Variants in SCAND3 observed in about 807,000 individuals in gnomAD.
The protein encoded by SCAND3 is SCAN domain-containing protein 3.
At chr6:28,607,637 T>C in the SCAND3 span, among the ~76,000 whole-genome samples, 1 of 151,912 alleles carries the variant, frequency 6.6e-6, no homozygotes, top group Non-Finnish European at 1.5e-5. Flanking sequence ...CCAACCACCC[T>C]ATACCTTACC....
the SCAND3 span, among the ~76,000 whole-genome samples, chr6:28,577,525 C>G: frequency 6.6e-6 from 1 of 152,102 alleles, no homozygotes; most frequent in Admixed American, 6.5e-5. Context: ...ACTTGATAAA[C>G]AAGAAGGTAA....
At chr6:28,611,303 T>C in the SCAND3 span, among the ~76,000 whole-genome samples, 3 of 152,194 alleles carry the variant, frequency 2.0e-5, no homozygotes, top group Non-Finnish European at 2.9e-5. Context: ...GGTTATCATC[T>C]AAAACCATGT....
At chr6:28,583,137 A>G in the SCAND3 span, among the ~76,000 whole-genome samples, 2 of 152,030 alleles carry the variant, frequency 1.3e-5, no homozygotes, top group Non-Finnish European at 2.9e-5. Flanking sequence ...TCACGCCTGT[A>G]TTCCCAACAC....
At chr6:28,573,140 C>A in the SCAND3 span, 4 of 1,612,352 alleles carry the variant, frequency 2.5e-6, no homozygotes, top group Admixed American at 3.3e-5. Context: ...CTCACATAGA[C>A]TAAAAGAATT....
the SCAND3 span, among the ~76,000 whole-genome samples, chr6:28,601,929 T>C: frequency 2.0e-4 from 31 of 152,058 alleles, no homozygotes; most frequent in Non-Finnish European, 3.5e-4. Context: ...CCCTAGCTCT[T>C]TCCTACCCAC....
chr6:28,575,244 C>T, the SCAND3 span: 5 of 1,614,012 alleles, frequency 3.1e-6, no homozygotes, highest in Middle Eastern at 1.6e-4. This position sits in a 1 kb window ranked among gnomAD's most constrained non-coding sequence, Gnocchi z 4.2. Context: ...TGTTAGTTTG[C>T]ATCCAGGAGA....
chr6:28,602,683 A>T, the SCAND3 span, among the ~76,000 whole-genome samples: 2 of 152,258 alleles, frequency 1.3e-5, no homozygotes, highest in Non-Finnish European at 2.9e-5. Flanking sequence ...AATTCCATTG[A>T]CTTGGCTTAT....
chr6:28,609,103 G>T, the SCAND3 span, among the ~76,000 whole-genome samples: 1 of 152,186 alleles, frequency 6.6e-6, no homozygotes, highest in Admixed American at 6.5e-5. Flanking sequence ...TTCATGACAA[G>T]ACAAGGATAT....
chr6:28,575,862 T>G, the SCAND3 span: 1 of 1,614,128 alleles, frequency 6.2e-7, no homozygotes, highest in South Asian at 1.1e-5. The surrounding 1 kb of genome is among the most constrained non-coding windows in gnomAD (Gnocchi z 4.2). Flanking sequence ...CATTTCCTTG[T>G]ACAAGGATAA....
chr6:28,593,793 C>T, the SCAND3 span: 2 of 152,140 alleles, frequency 1.3e-5, no homozygotes, highest in Non-Finnish European at 2.9e-5. Flanking sequence ...CAGCCTCAAC[C>T]TCCTGGGCTC....
the SCAND3 span, chr6:28,572,725 A>G: frequency 1.9e-6 from 3 of 1,614,140 alleles, no homozygotes; most frequent in Non-Finnish European, 2.5e-6. The surrounding 1 kb of genome is among the most constrained non-coding windows in gnomAD (Gnocchi z 4.1). Context: ...CTCAGCATGC[A>G]GTAACAGTTG....
the SCAND3 span, among the ~76,000 whole-genome samples, chr6:28,610,049 C>T: frequency 2.1e-4 from 32 of 151,888 alleles, no homozygotes; most frequent in African/African-American, 7.3e-4. Context: ...CAGGGTGCAA[C>T]GCCGTCTTTA....
chr6:28,601,024 T>C, the SCAND3 span, among the ~76,000 whole-genome samples: 1 of 148,646 alleles, frequency 6.7e-6, no homozygotes, highest in South Asian at 2.2e-4. Context: ...TGCCTCAGCC[T>C]CCGGAGTAGC....
the SCAND3 span, among the ~76,000 whole-genome samples, chr6:28,585,700 T>C: frequency 2.6e-5 from 4 of 152,170 alleles, no homozygotes; most frequent in African/African-American, 4.8e-5. Flanking sequence ...CTAAAAAATA[T>C]AAGAATGTCT....
chr6:28,571,948 T>C, the SCAND3 span: 1 of 1,613,086 alleles, frequency 6.2e-7, no homozygotes, highest in Non-Finnish European at 8.5e-7. Flanking sequence ...GCTTGTTAAT[T>C]TGTCTAATCT....
At chr6:28,610,844 CAA>C in the SCAND3 span, among the ~76,000 whole-genome samples, 1 of 151,884 alleles carries the variant, frequency 6.6e-6, no homozygotes, top group African/African-American at 2.4e-5. Flanking sequence ...TTTTTTGGGA[CAA>C]AAATTTTATA....
At chr6:28,613,422 C>G in the SCAND3 span, among the ~76,000 whole-genome samples, 1 of 152,196 alleles carries the variant, frequency 6.6e-6, no homozygotes, top group Non-Finnish European at 1.5e-5. Context: ...CTAGATATTT[C>G]ATATAACTTT....
At chr6:28,607,154 T>G in the SCAND3 span, among the ~76,000 whole-genome samples, 3 of 152,222 alleles carry the variant, frequency 2.0e-5, no homozygotes, top group Admixed American at 1.3e-4. Context: ...CTGTCTGTGG[T>G]TGGGGGTGTA....
At chr6:28,583,252 G>A in the SCAND3 span, among the ~76,000 whole-genome samples, 4 of 151,824 alleles carry the variant, frequency 2.6e-5, no homozygotes, top group Non-Finnish European at 4.4e-5. Context: ...GCGTGGTGGC[G>A]GGCGCCTGTA....
Sources: allele counts gnomAD v4.1 joint callset (sites outside exome capture counted in the v4.1 genomes callset), GRCh38; gene constraint gnomAD v4.1.1; non-coding constraint Gnocchi (gnomAD v3.1); transcripts MANE v1.5; gene names NCBI Gene and HGNC (gene_info 2026-07-23, HGNC 2026-07-21).